The following PPP2R5C variants were observed in gnomAD, a reference collection of about 807,000 sequenced individuals.
The protein encoded by PPP2R5C is protein phosphatase 2 regulatory subunit B'gamma, also known as serine/threonine-protein phosphatase 2A 56 kDa regulatory subunit gamma isoform.
In PPP2R5C, 7 loss-of-function variants were observed where a neutral mutation model predicts 68.9. The observed-to-expected ratio is 0.10, with a 90% confidence interval of 0.06 to 0.19. The LOEUF (loss-of-function observed/expected upper bound fraction) is 0.19. PPP2R5C is among the 10% of genes least tolerant of loss of function. The pLI is 1.00. For missense variants in PPP2R5C, 348 were observed against 641.3 expected (o/e 0.54, Z 4.94); for synonymous variants, 210 against 222.2 (o/e 0.95, Z 0.49).
chr14:101,911,299 G>A (rs1418484934), intron 11 of PPP2R5C, among the ~76,000 whole-genome samples: 3 of 152,136 alleles, frequency 2.0e-5, no homozygotes, highest in Non-Finnish European at 4.4e-5. Flanking sequence ...GCCCTTTTGG[G>A]GTTTATATTC....
chr14:101,868,793 T>C (rs1052699399), intron 2 of PPP2R5C, among the ~76,000 whole-genome samples: 6 of 152,234 alleles, frequency 3.9e-5, no homozygotes, highest in African/African-American at 1.2e-4. Context: ...ATTAATTTTT[T>C]ATTTACATAT....
rs1205029130 is a variant in PPP2R5C, at chr14:101,899,610, G to A, written c.853-2109G>A. Among the ~76,000 whole-genome samples, 2 of 152,186 alleles carry A rather than the reference G, an allele frequency of 1.3e-5. No individual in the cohort carries two copies. Among genetic ancestry groups the A allele is most frequent in the African/African-American group, 2.4e-5 (1 of 41,432 alleles). ...TCCAGAGAAATGGAATAGCTAAATCGGTTGTGTTGTATAGTTCACAAATTA... is the reference window on the plus strand; with the variant it reads ...TCCAGAGAAATGGAATAGCTAAATCAGTTGTGTTGTATAGTTCACAAATTA... On this transcript the variant is annotated intron_variant, in intron 8 of 13. Coordinates refer to ENST00000334743, the Ensembl canonical transcript of PPP2R5C. The surrounding 1 kb of genome is among the most constrained non-coding windows in gnomAD (Gnocchi z 4.2).
At chr14:101,820,417 G>T (rs1193765635) in intron 1 of PPP2R5C, 1 of 152,188 alleles carries the variant, frequency 6.6e-6, no homozygotes, top group Non-Finnish European at 1.5e-5. Flanking sequence ...AGTGACCAAC[G>T]AACGATGCTA....
chr14:101,776,218 A>G (rs1448487324), intron 2 of PPP2R5C, among the ~76,000 whole-genome samples: 2 of 152,066 alleles, frequency 1.3e-5, no homozygotes, highest in African/African-American at 4.8e-5. Flanking sequence ...TTTGAAAAAT[A>G]ATTTCCCATC....
intron 2 of PPP2R5C, among the ~76,000 whole-genome samples, chr14:101,870,151 T>C (rs1020524163): frequency 6.6e-6 from 1 of 151,092 alleles, no homozygotes; most frequent in African/African-American, 2.4e-5. Context: ...TCTCTCAGTC[T>C]GTAGCTTGTC....
chr14:101,886,529 T>C (rs1477647427), intron 5 of PPP2R5C, among the ~76,000 whole-genome samples: 3 of 152,166 alleles, frequency 2.0e-5, no homozygotes, highest in African/African-American at 7.2e-5. Context: ...TCTGTAATTG[T>C]GTGCATGCTT....
intron 2 of PPP2R5C, among the ~76,000 whole-genome samples, chr14:101,764,045 G>A (rs1013881674): frequency 1.3e-5 from 2 of 152,224 alleles, no homozygotes; most frequent in East Asian, 1.9e-4. Context: ...GCGCACTTGC[G>A]CGTCGGCCAC....
intron 3 of PPP2R5C, among the ~76,000 whole-genome samples, chr14:101,800,029 C>T (rs560103493): frequency 4.6e-5 from 7 of 152,294 alleles, no homozygotes; most frequent in South Asian, 2.1e-4. Flanking sequence ...GAGACCAAGA[C>T]GGGTGGATCC....
chr14:101,851,901 A>T (rs1022189287), intron 1 of PPP2R5C, among the ~76,000 whole-genome samples: 1 of 151,904 alleles, frequency 6.6e-6, no homozygotes, highest in African/African-American at 2.4e-5. Flanking sequence ...ACTTCCTCAT[A>T]TTCTATGATT....
At chr14:101,816,882 TA>T (rs2039717356) in intron 1 of PPP2R5C, among the ~76,000 whole-genome samples, 1 of 131,968 alleles carries the variant, frequency 7.6e-6, no homozygotes, top group African/African-American at 3.1e-5. Flanking sequence ...ATATATATAT[TA>T]TATATATATT....
At chr14:101,855,736 C>T (rs1261989143) in intron 1 of PPP2R5C, among the ~76,000 whole-genome samples, 5 of 152,222 alleles carry the variant, frequency 3.3e-5, no homozygotes, top group South Asian at 2.1e-4. Context: ...GAAGATGTCA[C>T]GCTCACAGTG....
chr14:101,765,243 T>A (rs1048974323), intron 2 of PPP2R5C: 3 of 702,732 alleles, frequency 4.3e-6, no homozygotes, highest in African/African-American at 1.7e-5. Context: ...CTCATAAGGA[T>A]ACCAGAGGCA....
At chr14:101,848,647 A>G (rs1197711073) in intron 1 of PPP2R5C, among the ~76,000 whole-genome samples, 1 of 152,174 alleles carries the variant, frequency 6.6e-6, no homozygotes, top group Non-Finnish European at 1.5e-5. Context: ...GTGTTGACGC[A>G]TCTAAAACCA....
intron 12 of PPP2R5C, 89 bp downstream of exon 14, chr14:101,912,562 T>C: frequency 2.9e-6 from 4 of 1,394,906 alleles, no homozygotes; most frequent in Middle Eastern, 2.7e-4. Flanking sequence ...ATGGGGGGGG[T>C]CTCGATTTCA....
At chr14:101,829,854 T>G (rs1378378233) in intron 1 of PPP2R5C, among the ~76,000 whole-genome samples, 3 of 152,282 alleles carry the variant, frequency 2.0e-5, no homozygotes, top group South Asian at 2.1e-4. Flanking sequence ...TCACTTTGGT[T>G]GTTGTGTCGC....
At chr14:101,880,925 C>T (rs540157331) in intron 2 of PPP2R5C, among the ~76,000 whole-genome samples, 2 of 152,096 alleles carry the variant, frequency 1.3e-5, no homozygotes, top group South Asian at 2.1e-4. Flanking sequence ...TCGTTGTTAT[C>T]GTAGAGTCAG....
intron 2 of PPP2R5C, among the ~76,000 whole-genome samples, chr14:101,785,157 T>G (rs1465598327): frequency 6.6e-6 from 1 of 152,106 alleles, no homozygotes; most frequent in African/African-American, 2.4e-5. Context: ...AGCGGAGCGT[T>G]TCCTGGGGCT....
intron 1 of PPP2R5C, among the ~76,000 whole-genome samples, chr14:101,841,282 A>G (rs1172001986): frequency 6.6e-6 from 1 of 152,130 alleles, no homozygotes; most frequent in Non-Finnish European, 1.5e-5. Context: ...TTGCTAAATG[A>G]AGGATTCAGA....
chr14:101,837,840 GC>G (rs1340287736), intron 1 of PPP2R5C, among the ~76,000 whole-genome samples: 1 of 152,178 alleles, frequency 6.6e-6, no homozygotes, highest in Non-Finnish European at 1.5e-5. Context: ...CGAAGGAGGT[GC>G]TGTCCTCATC....
Sources: allele counts gnomAD v4.1 joint callset (sites outside exome capture counted in the v4.1 genomes callset), GRCh38; gene constraint gnomAD v4.1.1; non-coding constraint Gnocchi (gnomAD v3.1); transcripts MANE v1.5; gene names NCBI Gene and HGNC (gene_info 2026-07-23, HGNC 2026-07-21).